Variants in NRK observed in about 807,000 individuals in gnomAD.
NRK encodes nik-related protein kinase.
In NRK, 67 loss-of-function variants were observed where a neutral mutation model predicts 125.2. The observed-to-expected ratio is 0.54, with a 90% CI of 0.44 to 0.66. The LOEUF (loss-of-function observed/expected upper bound fraction) is 0.66. Ranked by LOEUF, NRK falls within the 30% of genes least tolerant of loss-of-function variation. The pLI, the probability that NRK is intolerant of heterozygous loss-of-function variation, is 0.00. For missense variants in NRK, 1,224 were observed against 1,192.9 expected (o/e 1.03, Z -0.38); for synonymous variants, 458 against 429.0 (o/e 1.07, Z -0.84).
At chrX:105,922,451 G>C (rs903158761) in intron 17 of NRK, among the ~76,000 whole-genome samples, 5 of 111,711 alleles carry the variant, frequency 4.5e-5, no homozygotes, top group African/African-American at 6.5e-5. Flanking sequence ...AAAACAGAGT[G>C]TCCTCTGACT....
At chrX:105,848,033 G>C (rs2039424184) in intron 2 of NRK, among the ~76,000 whole-genome samples, 1 of 112,309 alleles carries the variant, frequency 8.9e-6, no homozygotes, top group South Asian at 3.7e-4. Flanking sequence ...AGCATTGCAA[G>C]TGGACAAATT....
At chrX:105,931,546 A>C (rs970879886) in intron 19 of NRK, among the ~76,000 whole-genome samples, 1 of 110,937 alleles carries the variant, frequency 9.0e-6, no homozygotes, top group Non-Finnish European at 1.9e-5. Flanking sequence ...TTTTCCCAAT[A>C]AGGAGAATTT....
intron 9 of NRK, among the ~76,000 whole-genome samples, chrX:105,902,524 C>A (rs755503111): frequency 5.3e-5 from 6 of 112,202 alleles, no homozygotes; most frequent in African/African-American, 1.9e-4. Context: ...TTCCAGATAA[C>A]AAAATTCTCT....
intron 2 of NRK, among the ~76,000 whole-genome samples, chrX:105,868,276 T>C: frequency 9.0e-6 from 1 of 110,611 alleles, no homozygotes; most frequent in East Asian, 2.9e-4. Context: ...ATGGTGAAAC[T>C]ATTTGAAGGA....
chrX:105,909,177 T>C lies in NRK; in HGVS notation c.1536T>C (p.Asp512=), dbSNP rs1168362916. The C allele has an allele frequency of 5.0e-6, 6 of 1,210,642 alleles. 1 individual carries two copies. In the Admixed American group the frequency reaches 6.5e-5, roughly 13 times the overall value. ...QAQTQTSEPQ[D]LDQVPEEFQG... ...AGACCCAGACATCAGAACCACAAGA[T>C]TTGGACCAGGTACCAGAGGAATTTC... The change falls in exon 13 of 29, where the codon GAT becomes GAC. Residue 512 remains aspartate (D), a synonymous_variant. Transcript: ENST00000243300.
chrX:105,910,345 G>A lies in NRK; in HGVS notation c.2241+463G>A, dbSNP rs377600451. 4.3e-4 allele frequency among the ~76,000 whole-genome samples: 48 copies of A among 111,916 alleles called. No individual in the cohort carries two copies. The East Asian group carries it at 6.4e-3, about 15-fold the overall frequency. Reference sequence around the variant, plus strand: ...ATTTGAGTGAATTACACTCATTTTTGTACTACAGGATGTTTAAATCAAGGT... The same window carrying A: ...ATTTGAGTGAATTACACTCATTTTTATACTACAGGATGTTTAAATCAAGGT... On this transcript the variant is annotated intron_variant, in intron 13 of 28. Coordinates refer to ENST00000243300, the MANE Select transcript of NRK (RefSeq NM_198465.4).
In NRK at chrX:105,933,272, T is replaced by C. The variant is rs769673747; in HGVS notation, c.3313-986T>C. On this transcript the variant is annotated intron_variant, in intron 19 of 28. Transcript: ENST00000243300. ...AACATAAGTTTCATAGCAACCCTGG[T>C]TATATCCAGTTATCTCAAGGAATGT... is the stretch of plus-strand genomic sequence containing the variant. Among the ~76,000 whole-genome samples, 7 of 111,410 alleles carry C rather than the reference T, an allele frequency of 6.3e-5. No individual in the cohort carries two copies. In the South Asian group the frequency reaches 2.3e-3, roughly 36 times the overall value.
At chrX:105,938,355 G>A (rs2040692690) in intron 22 of NRK, among the ~76,000 whole-genome samples, 1 of 111,627 alleles carries the variant, frequency 9.0e-6, no homozygotes, top group African/African-American at 3.3e-5. Context: ...TGCACAAATT[G>A]CCATGTTGCA....
chrX:105,928,401 C>T (rs772801004), intron 19 of NRK, among the ~76,000 whole-genome samples: 16 of 111,053 alleles, frequency 1.4e-4, no homozygotes, highest in African/African-American at 3.9e-4. Context: ...ATCTAGCTAA[C>T]GGTTTGTCCA....
chrX:105,884,434 C>T, intron 4 of NRK, among the ~76,000 whole-genome samples: 1 of 110,996 alleles, frequency 9.0e-6, no homozygotes, highest in Non-Finnish European at 1.9e-5. Context: ...CACTACAGAG[C>T]CTAGTGCACT....
chrX:105,906,698 T>C (rs1454002408), intron 11 of NRK, 109 bp downstream of exon 11: 2 of 422,104 alleles, frequency 4.7e-6, no homozygotes, highest in Non-Finnish European at 7.9e-6. Context: ...AAAATAAAAC[T>C]TCTGAGGCCT....
At position 105,837,980 on chromosome X, in the gene NRK, G is replaced by A. The variant is rs764896884; in HGVS notation, c.123+6861G>A. On this transcript the variant is annotated intron_variant, in intron 2 of 28. Transcript: ENST00000243300. ...ACTCTCCCAGTAACTGACAGTAAAC[G>A]TGTTTCTTGACTTTCTGGGCCCATT... is the stretch of plus-strand genomic sequence containing the variant. 4.5e-5 allele frequency among the ~76,000 whole-genome samples: 5 copies of A among 111,286 alleles called. No individual in the cohort carries two copies. The East Asian group carries it at 1.1e-3, about 25-fold the overall frequency.
At chrX:105,944,102 C>A in intron 24 of NRK, 61 bp downstream of exon 24, 2 of 580,955 alleles carry the variant, frequency 3.4e-6, no homozygotes, top group Admixed American at 3.6e-5. Flanking sequence ...AAATTGTGAA[C>A]AGAATCGTAC....
At chrX:105,914,713 C>T (rs995041750) in intron 14 of NRK, among the ~76,000 whole-genome samples, 7 of 107,810 alleles carry the variant, frequency 6.5e-5, no homozygotes, top group East Asian at 2.9e-4. Flanking sequence ...ACTTGTCTCT[C>T]GGAGTGTAGA....
intron 2 of NRK, among the ~76,000 whole-genome samples, chrX:105,844,995 A>T (rs1290647266): frequency 9.0e-6 from 1 of 111,412 alleles, no homozygotes; most frequent in Non-Finnish European, 1.9e-5. Flanking sequence ...TTTATATATC[A>T]TTATGCACTT....
At chrX:105,934,851 C>G (rs188122290) in intron 20 of NRK, among the ~76,000 whole-genome samples, 23 of 111,959 alleles carry the variant, frequency 2.1e-4, no homozygotes, top group African/African-American at 7.1e-4. Flanking sequence ...CGCTCTGTCA[C>G]TTAGGCTGGA....
intron 1 of NRK, among the ~76,000 whole-genome samples, chrX:105,828,295 T>C (rs2039142148): frequency 8.9e-6 from 1 of 111,825 alleles, no homozygotes; most frequent in Admixed American, 9.5e-5. Flanking sequence ...TGAAAGATGG[T>C]TTGGTCATTC....
intron 25 of NRK, 96 bp from the exon 26 acceptor site, chrX:105,946,219 G>T: frequency 2.3e-6 from 2 of 851,932 alleles, no homozygotes; most frequent in South Asian, 5.3e-5. Flanking sequence ...CCTGGGTTTT[G>T]TACACTTATA....
chrX:105,858,954 T>C (rs1305789668), intron 2 of NRK, among the ~76,000 whole-genome samples: 2 of 111,266 alleles, frequency 1.8e-5, no homozygotes, highest in African/African-American at 6.5e-5. Flanking sequence ...GTTTTTTCAC[T>C]TTCTTTAATT....
Sources: allele counts gnomAD v4.1 joint callset (sites outside exome capture counted in the v4.1 genomes callset), GRCh38; gene constraint gnomAD v4.1.1; transcripts MANE v1.5; gene names NCBI Gene and HGNC (gene_info 2026-07-23, HGNC 2026-07-21).